ZNF713: variants seen among roughly 807,000 people sequenced by gnomAD.
The protein encoded by ZNF713 is zinc finger protein 713.
Under a neutral mutation model 28.7 loss-of-function variants are expected in ZNF713, and 21 were observed. That is an observed-to-expected ratio of 0.73 (90% confidence interval 0.52 to 1.05). The LOEUF is 1.05. Among genes scored for constraint, ZNF713 ranks in the 50% least tolerant of loss-of-function variants. The pLI, the probability that ZNF713 is intolerant of heterozygous loss-of-function variation, is 0.00. For missense variants in ZNF713, 458 were observed against 532.4 expected, an observed-to-expected ratio of 0.86 and a Z score of 1.37; for synonymous variants, 167 against 178.0, an observed-to-expected ratio of 0.94 and a Z score of 0.49.
chr7:55,935,704 A>G (rs552322213), intron 6 of ZNF713, among the ~76,000 whole-genome samples: 1 of 152,316 alleles, frequency 6.6e-6, no homozygotes, highest in South Asian at 2.1e-4. Flanking sequence ...CTGTAATCCC[A>G]GCACTTTGGG....
At chr7:55,907,463 TC>T (rs1785700830) in intron 2 of ZNF713, among the ~76,000 whole-genome samples, 1 of 152,216 alleles carries the variant, frequency 6.6e-6, no homozygotes. Flanking sequence ...ATGATTTCAT[TC>T]TTTTTTGTGG....
chr7:55,902,590 C>T (rs187432700), intron 1 of ZNF713, among the ~76,000 whole-genome samples: 6 of 152,302 alleles, frequency 3.9e-5, no homozygotes, highest in African/African-American at 1.4e-4. Context: ...GGTGGTCTCT[C>T]AGGCTTGATG....
chr7:55,927,599 G>C lies in ZNF713; in HGVS notation c.307+3900G>C, dbSNP rs566660638. Among the ~76,000 whole-genome samples, 4 of 151,856 alleles carry C rather than the reference G, an allele frequency of 2.6e-5. No homozygotes were observed. In the South Asian group the frequency reaches 8.3e-4, roughly 32 times the overall value. On this transcript the variant is annotated intron_variant, in intron 6 of 6. Transcript: ENST00000429591. Reference sequence around the variant, plus strand: ...GCTGAAGGGAAGGAACCAGTAGAGAGGACAAGTAAAAAAATAGATACAGCT... The same window carrying C: ...GCTGAAGGGAAGGAACCAGTAGAGACGACAAGTAAAAAAATAGATACAGCT...
At chr7:55,907,822 G>C (rs1785709495) in intron 2 of ZNF713, among the ~76,000 whole-genome samples, 1 of 152,148 alleles carries the variant, frequency 6.6e-6, no homozygotes, top group Non-Finnish European at 1.5e-5. Flanking sequence ...AGTATTCCAT[G>C]TTGTATATAT....
chr7:55,913,121 C>T (rs61193865), intron 4 of ZNF713, among the ~76,000 whole-genome samples: 7,032 of 150,252 alleles, frequency 0.047, 502 homozygotes, highest in African/African-American at 0.16. Flanking sequence ...CTGAGGGTAA[C>T]ATCTATCACA....
At chr7:55,888,632 G>C (rs1487985066) in intron 1 of ZNF713, among the ~76,000 whole-genome samples, 1 of 151,964 alleles carries the variant, frequency 6.6e-6, no homozygotes, top group Non-Finnish European at 1.5e-5. Context: ...CTCCCGCCTT[G>C]GCCTCTCAAA....
At chr7:55,925,330 A>C (rs1786075944) in intron 6 of ZNF713, among the ~76,000 whole-genome samples, 1 of 152,084 alleles carries the variant, frequency 6.6e-6, no homozygotes, top group African/African-American at 2.4e-5. Flanking sequence ...TAGGTAGAAA[A>C]CCTTGTTCCT....
intron 6 of ZNF713, among the ~76,000 whole-genome samples, chr7:55,931,185 C>T (rs1380832574): frequency 6.6e-6 from 1 of 151,812 alleles, no homozygotes; most frequent in Non-Finnish European, 1.5e-5. Context: ...ACTCGGGAGG[C>T]TGAGGCAGGA....
At chr7:55,931,663 C>T (rs1035882152) in intron 6 of ZNF713, among the ~76,000 whole-genome samples, 7 of 151,334 alleles carry the variant, frequency 4.6e-5, no homozygotes, top group African/African-American at 1.7e-4. Flanking sequence ...TTCTTTCTTA[C>T]TTCCTTGTTT....
chr7:55,941,903 A>G lies in ZNF713; in HGVS notation c.*1897A>G, dbSNP rs1786477488. 1 of 152,214 alleles carries G rather than the reference A, an allele frequency of 6.6e-6. No homozygotes were observed. The highest frequency in any genetic ancestry group is 1.5e-5 in the Non-Finnish European group (1 of 68,034). 9.4% of individuals were successfully genotyped at this position (152,214 alleles called of 1,614,324 possible). ...AGGATCACTTTGAGAAGAGCCTTGA[A>G]GAAGACTTGAGGGTCCTATTGATGA... On this transcript the variant is annotated 3_prime_UTR_variant, in exon 7 of 7. Transcript: ENST00000429591.
Position 55,894,489 on chromosome 7 carries a change from G to T in ZNF713, c.-583+6809G>T, listed in dbSNP as rs138536171. 2.2e-3 allele frequency among the ~76,000 whole-genome samples: 333 copies of T among 152,316 alleles called. 3 individuals are homozygous for T. The Middle Eastern group carries it at 0.027, about 12-fold the overall frequency. ...CTTCTGTCCCATATATCTAAGAAGT[G>T]CATGTTAAAGCAATGATTAAATATG... On this transcript the variant is annotated intron_variant, in intron 1 of 6. Transcript: ENST00000429591.
intron 2 of ZNF713, among the ~76,000 whole-genome samples, chr7:55,911,043 G>A (rs1785773691): frequency 6.6e-6 from 1 of 152,186 alleles, no homozygotes; most frequent in African/African-American, 2.4e-5. Context: ...AATCACTCCT[G>A]AAAGGTCTGA....
At chr7:55,919,068 G>A (rs954322615) in intron 4 of ZNF713, among the ~76,000 whole-genome samples, 4 of 152,014 alleles carry the variant, frequency 2.6e-5, no homozygotes, top group Non-Finnish European at 5.9e-5. Context: ...AGATTCTCAA[G>A]TAGAAAATTG....
intron 1 of ZNF713, among the ~76,000 whole-genome samples, chr7:55,888,528 G>A (rs1584291037): frequency 6.6e-6 from 1 of 152,248 alleles, no homozygotes; most frequent in African/African-American, 2.4e-5. Flanking sequence ...GACCACAGGT[G>A]TGCACCACCA....
intron 6 of ZNF713, among the ~76,000 whole-genome samples, chr7:55,927,015 G>A (rs1190458350): frequency 3.9e-5 from 6 of 152,194 alleles, no homozygotes; most frequent in African/African-American, 1.4e-4. Context: ...GGTTGTGGGC[G>A]CTTGTAATCA....
At chr7:55,926,200 C>T (rs1202645930) in intron 6 of ZNF713, among the ~76,000 whole-genome samples, 1 of 152,122 alleles carries the variant, frequency 6.6e-6, no homozygotes, top group East Asian at 1.9e-4. Context: ...ATCCCAGCTA[C>T]TCGGGAGGCG....
rs1262872083 is a variant in ZNF713, at chr7:55,887,784, AGGCGGGG to A, written c.-583+110_-583+116del. 3 of 602 alleles carry A rather than the reference AGGCGGGG, an allele frequency of 5.0e-3. 1 individual carries two copies. Among genetic ancestry groups the A allele is most frequent in the Admixed American group, 0.01 (1 of 100 alleles). The allele number at this position is 602 out of a possible 1,614,324, so 0.0% of individuals were successfully genotyped here. A position where few individuals can be genotyped will look rare whatever the true frequency, so the allele number is the denominator to read the frequency against. ...GGCGGGGGGCGGAGGCGGGGGGCGGAGGCGGGGGGCGGAGGCGGGGGGCGGCGGGCGG... is the reference window on the plus strand; with the variant it reads ...GGCGGGGGGCGGAGGCGGGGGGCGGAGGCGGAGGCGGGGGGCGGCGGGCGG... On this transcript the variant is annotated intron_variant, in intron 1 of 6. Coordinates refer to ENST00000429591, the MANE Select transcript of ZNF713 (RefSeq NM_182633.3).
chr7:55,927,847 A>G, intron 6 of ZNF713, among the ~76,000 whole-genome samples: 1 of 132,290 alleles, frequency 7.6e-6, no homozygotes, highest in Non-Finnish European at 1.5e-5. Flanking sequence ...CAGTGAGCCA[A>G]GATTGCACCA....
chr7:55,939,959 A>G lies in ZNF713; in HGVS notation c.1285A>G (p.Lys429Glu). The G allele has an allele frequency of 6.2e-7, 1 of 1,609,124 alleles. No homozygotes were observed. The highest frequency in any genetic ancestry group is 8.5e-7 in the Non-Finnish European group (1 of 1,176,696). The change falls in exon 7 of 7, where the codon AAA becomes GAA. Residue 429 changes from lysine (K) to glutamate (E), a missense_variant. Physicochemically the swap from Lys to Glu is moderately conservative, Grantham distance 56. Coordinates refer to ENST00000429591, the MANE Select transcript of ZNF713 (RefSeq NM_182633.3). ...TACTCGGGAGAAATTATGTGAATATAAATGTGAGCAAACTGTTCGCCACAG... is the reference window on the plus strand; with the variant it reads ...TACTCGGGAGAAATTATGTGAATATGAATGTGAGCAAACTGTTCGCCACAG... ...IHTREKLCEY[K>E]CEQTVRHSPS...
Sources: allele counts gnomAD v4.1 joint callset (sites outside exome capture counted in the v4.1 genomes callset), GRCh38; gene constraint gnomAD v4.1.1; transcripts MANE v1.5; gene names NCBI Gene and HGNC (gene_info 2026-07-23, HGNC 2026-07-21).